Variants in KCNIP4 observed in about 807,000 individuals in gnomAD.
The protein encoded by KCNIP4 is Kv channel-interacting protein 4.
In KCNIP4, 12 loss-of-function variants were observed where a neutral mutation model predicts 34.0. The observed-to-expected ratio is 0.35, with a 90% CI of 0.23 to 0.57. The LOEUF (loss-of-function observed/expected upper bound fraction) is 0.57, where lower values mean the gene tolerates loss of function less well. Among genes scored for constraint, KCNIP4 ranks in the 20% least tolerant of loss-of-function variants. The probability of loss-of-function intolerance (pLI) is 0.83; values close to 1 mark genes in which losing one functional copy is unlikely to be tolerated. For missense variants in KCNIP4, 238 were observed against 311.7 expected (o/e 0.76, Z 1.78); for synonymous variants, 124 against 102.2 (o/e 1.21, Z -1.29).
At chr4:21,573,480 C>T (rs1740506104) in intron 1 of KCNIP4, among the ~76,000 whole-genome samples, 2 of 151,954 alleles carry the variant, frequency 1.3e-5, no homozygotes, top group South Asian at 2.1e-4. Flanking sequence ...TAGTTTTACC[C>T]TTATTAATTC....
intron 1 of KCNIP4, among the ~76,000 whole-genome samples, chr4:21,416,386 C>A (rs1031866105): frequency 6.6e-6 from 1 of 152,232 alleles, no homozygotes; most frequent in East Asian, 1.9e-4. Flanking sequence ...AATAGAACCA[C>A]CTTTTTATTT....
At chr4:21,781,168 C>G (rs1330523586) in intron 1 of KCNIP4, among the ~76,000 whole-genome samples, 2 of 152,170 alleles carry the variant, frequency 1.3e-5, no homozygotes, top group Admixed American at 6.5e-5. Context: ...TTCCCCCATG[C>G]TGTTCTCATG....
chr4:21,751,320 C>T (rs1228421724), intron 1 of KCNIP4, among the ~76,000 whole-genome samples: 1 of 151,994 alleles, frequency 6.6e-6, no homozygotes, highest in Non-Finnish European at 1.5e-5. Context: ...TGAGGCAATG[C>T]AAATATGGAT....
chr4:20,951,202 C>A (rs1490342868), intron 1 of KCNIP4, among the ~76,000 whole-genome samples: 1 of 152,064 alleles, frequency 6.6e-6, no homozygotes, highest in Non-Finnish European at 1.5e-5. Context: ...CAGCCATCAG[C>A]CATCCAGGAA....
chr4:21,208,979 G>A (rs917711981), intron 1 of KCNIP4, among the ~76,000 whole-genome samples: 1 of 152,058 alleles, frequency 6.6e-6, no homozygotes, highest in African/African-American at 2.4e-5. Context: ...ACAGCATGGG[G>A]GAAACCATCC....
chr4:21,738,868 G>T (rs888056684), intron 1 of KCNIP4, among the ~76,000 whole-genome samples: 8 of 152,064 alleles, frequency 5.3e-5, no homozygotes. Flanking sequence ...CATACATGAT[G>T]ATCTATCATT....
intron 1 of KCNIP4, among the ~76,000 whole-genome samples, chr4:21,779,011 T>TGAGAGAGA (rs34076146): frequency 1.4e-5 from 2 of 147,804 alleles, no homozygotes; most frequent in Admixed American, 6.8e-5. Context: ...TGTGTGGGCA[T>TGAGAGAGA]GAGAGAGAGA....
intron 1 of KCNIP4, among the ~76,000 whole-genome samples, chr4:21,549,934 A>C (rs1738433394): frequency 6.6e-6 from 1 of 152,104 alleles, no homozygotes; most frequent in African/African-American, 2.4e-5. Flanking sequence ...ACAATCTGTA[A>C]GTCTGTAAAT....
intron 1 of KCNIP4, among the ~76,000 whole-genome samples, chr4:21,509,828 A>G (rs1734154901): frequency 1.3e-5 from 2 of 152,122 alleles, no homozygotes; most frequent in Non-Finnish European, 2.9e-5. Flanking sequence ...TAAGAACGGC[A>G]ACAATCTGGC....
intron 1 of KCNIP4, among the ~76,000 whole-genome samples, chr4:21,643,365 A>AGTT (rs1746752869): frequency 6.6e-6 from 1 of 152,174 alleles, no homozygotes; most frequent in African/African-American, 2.4e-5. Context: ...GTGCATTTTT[A>AGTT]GTTGTACACA....
chr4:21,175,904 C>T (rs961630625), intron 1 of KCNIP4, among the ~76,000 whole-genome samples: 6 of 152,144 alleles, frequency 3.9e-5, no homozygotes, highest in Non-Finnish European at 7.4e-5. Context: ...ATACCTCTAC[C>T]GTCTTCCAGT....
chr4:21,087,185 T>TGTGTGG (rs1746537541), intron 1 of KCNIP4, among the ~76,000 whole-genome samples: 1 of 150,028 alleles, frequency 6.7e-6, no homozygotes, highest in Non-Finnish European at 1.5e-5. Flanking sequence ...TGTGTGTGTG[T>TGTGTGG]GTGTGTTTTG....
At chr4:20,867,481 A>T (rs1160556906) in intron 2 of KCNIP4, among the ~76,000 whole-genome samples, 2 of 152,138 alleles carry the variant, frequency 1.3e-5, no homozygotes, top group Non-Finnish European at 2.9e-5. Flanking sequence ...TACACAGAAG[A>T]TTGAAGCTGG....
chr4:21,080,943 A>G (rs1745953890), intron 1 of KCNIP4, among the ~76,000 whole-genome samples: 1 of 151,906 alleles, frequency 6.6e-6, no homozygotes, highest in South Asian at 2.1e-4. Flanking sequence ...AGTCTATAGA[A>G]AATATCCTCC....
intron 1 of KCNIP4, among the ~76,000 whole-genome samples, chr4:21,890,102 T>C (rs1379961016): frequency 6.6e-6 from 1 of 152,120 alleles, no homozygotes; most frequent in African/African-American, 2.4e-5. Context: ...GAATGTCTAC[T>C]GATGATCACC....
At chr4:20,878,448 C>A (rs1447161616) in intron 2 of KCNIP4, among the ~76,000 whole-genome samples, 2 of 152,178 alleles carry the variant, frequency 1.3e-5, no homozygotes, top group Non-Finnish European at 1.5e-5. Context: ...CTGAGCCAAT[C>A]AAGATATGTC....
chr4:20,866,920 A>G (rs1330602604), intron 2 of KCNIP4, among the ~76,000 whole-genome samples: 1 of 152,102 alleles, frequency 6.6e-6, no homozygotes, highest in Non-Finnish European at 1.5e-5. Context: ...ATTCACAAAG[A>G]AAATAAAATA....
At chr4:21,032,053 C>G (rs747827109) in intron 1 of KCNIP4, among the ~76,000 whole-genome samples, 1 of 152,106 alleles carries the variant, frequency 6.6e-6, no homozygotes, top group Non-Finnish European at 1.5e-5. Flanking sequence ...AGAACAGCCT[C>G]GAAGGGCCTC....
intron 1 of KCNIP4, among the ~76,000 whole-genome samples, chr4:21,240,450 C>T (rs1444665944): frequency 6.6e-6 from 1 of 152,094 alleles, no homozygotes; most frequent in African/African-American, 2.4e-5. Flanking sequence ...TTTAAACATG[C>T]TAGCCATCTG....
Sources: allele counts gnomAD v4.1 joint callset (sites outside exome capture counted in the v4.1 genomes callset), GRCh38; gene constraint gnomAD v4.1.1; transcripts MANE v1.5; gene names NCBI Gene and HGNC (gene_info 2026-07-23, HGNC 2026-07-21).